The following FNDC3B variants were observed in gnomAD, a reference collection of about 807,000 sequenced individuals.
FNDC3B encodes fibronectin type III domain containing 3B.
Under a neutral mutation model 151.5 loss-of-function variants are expected in FNDC3B, and 12 were observed. That is an observed-to-expected ratio of 0.08 (90% CI 0.05 to 0.13). FNDC3B has a LOEUF of 0.13. Ranked by LOEUF, FNDC3B falls within the 10% of genes least tolerant of loss-of-function variation. The pLI is 1.00. For synonymous variants in FNDC3B, 528 were observed against 549.0 expected (o/e 0.96, Z 0.54); for missense variants, 1,214 against 1,505.3 (o/e 0.81, Z 3.20).
At chr3:172,369,118 A>T (rs1238935117) in intron 23 of FNDC3B, among the ~76,000 whole-genome samples, 1 of 152,250 alleles carries the variant, frequency 6.6e-6, no homozygotes, top group Non-Finnish European at 1.5e-5. Flanking sequence ...AGGCACAGAC[A>T]GAGGTGAGAG....
chr3:172,092,701 A>G (rs1259615868), intron 1 of FNDC3B, among the ~76,000 whole-genome samples: 1 of 152,226 alleles, frequency 6.6e-6, no homozygotes, highest in Non-Finnish European at 1.5e-5. Context: ...GGAAAAGAGG[A>G]GGAGAGAATA....
intron 2 of FNDC3B, among the ~76,000 whole-genome samples, chr3:172,130,635 C>G (rs1315423022): frequency 1.3e-5 from 2 of 152,134 alleles, no homozygotes; most frequent in Non-Finnish European, 2.9e-5. Flanking sequence ...ACTTTTTGTG[C>G]AATATGATAA....
In FNDC3B at chr3:172,392,810, C is replaced by CTTTTTTTTTTT. The variant is rs1167627679; in HGVS notation, c.3304-4352_3304-4342dup. On this transcript the variant is annotated intron_variant, in intron 25 of 25. Coordinates refer to ENST00000415807, the MANE Select transcript of FNDC3B (RefSeq NM_022763.4). The stretch of plus-strand genomic sequence containing the variant: ...GAATGAATTTTTTCTTTTTTTTTTT[C>CTTTTTTTTTTT]TTTTTTTTTTTTCAGACAGAGAGTA... 2.1e-3 allele frequency among the ~76,000 whole-genome samples: 214 copies of CTTTTTTTTTTT among 99,870 alleles called. 4 individuals carry two copies. Among genetic ancestry groups the CTTTTTTTTTTT allele is most frequent in the Middle Eastern group, 7.1e-3 (1 of 140 alleles). The allele number at this position is 99,870 out of a possible 152,430, so 65.5% of individuals were successfully genotyped here.
chr3:172,057,161 T>C (rs1035376534), intron 1 of FNDC3B, among the ~76,000 whole-genome samples: 1 of 152,178 alleles, frequency 6.6e-6, no homozygotes, highest in Non-Finnish European at 1.5e-5. Context: ...CCATTCCTTC[T>C]CTCTTTTTGT....
At chr3:172,074,469 A>G (rs1717915443) in intron 1 of FNDC3B, among the ~76,000 whole-genome samples, 1 of 152,188 alleles carries the variant, frequency 6.6e-6, no homozygotes, top group Admixed American at 6.5e-5. Flanking sequence ...AAGACATCAG[A>G]TTAGTTCTGT....
At chr3:172,075,808 T>C (rs1314094301) in intron 1 of FNDC3B, among the ~76,000 whole-genome samples, 1 of 151,306 alleles carries the variant, frequency 6.6e-6, no homozygotes, top group East Asian at 1.9e-4. Context: ...GTTTCACAAA[T>C]CAATACTTGC....
At chr3:172,384,525 C>G (rs575839221) in intron 25 of FNDC3B, among the ~76,000 whole-genome samples, 1 of 152,158 alleles carries the variant, frequency 6.6e-6, no homozygotes, top group African/African-American at 2.4e-5. Flanking sequence ...TATCATTTGA[C>G]GCTTAATAAT....
In FNDC3B at chr3:172,298,795, A is replaced by G; in HGVS notation, c.1061+8A>G. Reference sequence around the variant, plus strand: ...AACAGATTATCATGTGAGGTGAGTTAGGATATAAGAGCCAAACTGTATTGG... The same window carrying G: ...AACAGATTATCATGTGAGGTGAGTTGGGATATAAGAGCCAAACTGTATTGG... On this transcript the variant is annotated splice_region_variant and intron_variant, in intron 9 of 25. Transcript: ENST00000415807. 1 of 1,595,574 alleles carries G rather than the reference A, an allele frequency of 6.3e-7. No homozygotes were observed. Among genetic ancestry groups the G allele is most frequent in the East Asian group, 2.3e-5 (1 of 43,804 alleles).
In FNDC3B at chr3:172,337,397, T is replaced by G. The variant is rs374806191; in HGVS notation, c.1848T>G (p.Ser616=). 8.1e-6 allele frequency: 13 copies of G among 1,608,974 alleles called. No homozygotes were observed. In the East Asian group the frequency reaches 2.0e-4, roughly 25 times the overall value. ...KYLLEITDGN[S]EANQWEVAYS... ...TGCTAGAGATTACTGATGGAAATTC[T>G]GAAGGTGAAGTTTTTGGCAATTGTT... Residue 616 remains serine, a synonymous_variant, in exon 16 of 26, where the codon TCT becomes TCG. Coordinates refer to ENST00000415807, the MANE Select transcript of FNDC3B (RefSeq NM_022763.4).
intron 9 of FNDC3B, among the ~76,000 whole-genome samples, chr3:172,304,540 A>G (rs148523966): frequency 2.6e-5 from 4 of 152,318 alleles, no homozygotes; most frequent in African/African-American, 4.8e-5. Flanking sequence ...ACTCTGCAGC[A>G]CCTGCTCCAT....
At chr3:172,280,121 C>T (rs1465446644) in intron 6 of FNDC3B, among the ~76,000 whole-genome samples, 1 of 152,150 alleles carries the variant, frequency 6.6e-6, no homozygotes. Flanking sequence ...TACTATGTTG[C>T]TTAGGCTGGT....
chr3:172,327,796 T>C (rs1444930404), intron 11 of FNDC3B, among the ~76,000 whole-genome samples: 3 of 152,246 alleles, frequency 2.0e-5, no homozygotes, highest in African/African-American at 7.2e-5. Context: ...GAATGTGTTT[T>C]AGTGGTATTT....
chr3:172,168,674 T>G (rs1723128840), intron 3 of FNDC3B, among the ~76,000 whole-genome samples: 1 of 152,034 alleles, frequency 6.6e-6, no homozygotes, highest in Non-Finnish European at 1.5e-5. Flanking sequence ...TTCTATCATG[T>G]CTGTGTGATG....
intron 3 of FNDC3B, among the ~76,000 whole-genome samples, chr3:172,219,035 C>T (rs7617946): frequency 0.67 from 101,610 of 152,096 alleles, 34,379 homozygotes; most frequent in Non-Finnish European, 0.74. Flanking sequence ...CCTGTTGTTC[C>T]ATCTCTTGCC....
intron 13 of FNDC3B, 92 bp downstream of exon 13, chr3:172,330,807 A>G (rs938165111): frequency 3.3e-5 from 32 of 978,512 alleles, no homozygotes; most frequent in Non-Finnish European, 4.7e-5. Context: ...TAACTGCATC[A>G]GTTCAAAGCC....
chr3:172,126,895 G>A, intron 2 of FNDC3B: 1 of 366,332 alleles, frequency 2.7e-6, no homozygotes, highest in South Asian at 2.0e-5. Flanking sequence ...TTTTGTAGAT[G>A]TAAAGGGCTT....
At chr3:172,287,729 T>G (rs1730102269) in intron 7 of FNDC3B, among the ~76,000 whole-genome samples, 1 of 152,170 alleles carries the variant, frequency 6.6e-6, no homozygotes, top group Non-Finnish European at 1.5e-5. Context: ...AGTGACAGAA[T>G]CTCTGTTTCT....
intron 6 of FNDC3B, among the ~76,000 whole-genome samples, chr3:172,271,414 G>C (rs930438689): frequency 2.0e-5 from 3 of 152,054 alleles, no homozygotes; most frequent in African/African-American, 7.2e-5. Context: ...CAGTAGTTCC[G>C]ATTTCTTAGG....
intron 1 of FNDC3B, 133 bp from the exon 2 acceptor site, chr3:172,112,319 A>C: frequency 2.0e-5 from 13 of 642,762 alleles, no homozygotes; most frequent in Non-Finnish European, 2.8e-6. Context: ...GGCCTGACAT[A>C]ATAATACAGG....
Sources: gnomAD v4.1 joint callset for allele counts (sites outside exome capture counted in the v4.1 genomes callset) on GRCh38, gnomAD v4.1.1 for gene constraint, MANE v1.5 for transcripts, NCBI Gene and HGNC (gene_info 2026-07-23, HGNC 2026-07-21) for gene names.